Variants in SLCO2B1 observed in about 807,000 individuals in gnomAD.
The protein encoded by SLCO2B1 is OATP-RP2.
In SLCO2B1, 41 loss-of-function variants were observed where a neutral mutation model predicts 67.3. The observed-to-expected ratio is 0.61, with a 90% CI of 0.47 to 0.79. SLCO2B1 has a LOEUF of 0.79. SLCO2B1 is among the 30% of genes least tolerant of loss of function. The probability of loss-of-function intolerance (pLI) is 0.00; values close to 1 mark genes in which losing one functional copy is unlikely to be tolerated. For missense variants in SLCO2B1, 837 were observed against 920.1 expected (o/e 0.91, Z 1.17); for synonymous variants, 379 against 381.4 (o/e 0.99, Z 0.07).
In SLCO2B1 at chr11:75,203,297, C is replaced by T; in HGVS notation, c.1829-10C>T. 3 of 1,612,502 alleles carry T rather than the reference C, an allele frequency of 1.9e-6. No individual in the cohort carries two copies. Among genetic ancestry groups the T allele is most frequent in the East Asian group, 2.2e-5 (1 of 44,870 alleles). On this transcript the variant is annotated splice_polypyrimidine_tract_variant and intron_variant, in intron 12 of 13. Coordinates refer to ENST00000289575, the MANE Select transcript of SLCO2B1 (RefSeq NM_007256.5). Reference sequence around the variant, plus strand: ...GGCCTTCATTGTCCCCTGAGCACCACCTCCCTCAGCCTGGATGCCCAGCCC... The same window carrying T: ...GGCCTTCATTGTCCCCTGAGCACCATCTCCCTCAGCCTGGATGCCCAGCCC...
intron 1 of SLCO2B1, among the ~76,000 whole-genome samples, chr11:75,154,407 G>A (rs1949723641): frequency 6.6e-6 from 1 of 152,130 alleles, no homozygotes; most frequent in Non-Finnish European, 1.5e-5. Flanking sequence ...GGCTGAGGCA[G>A]GAGAATTGCT....
rs1053239844 is a variant in SLCO2B1 at position 75,204,547 on chromosome 11, G to A, written c.2097G>A (p.Gly699=). The change falls in exon 14 of 14, where the codon GGG becomes GGA. Residue 699 remains glycine, a synonymous_variant. Transcript: ENST00000289575. ...TAGAGCAGCAATTGCTAGTGTCGGG[G>A]CCAGGGAAGAAGCCAGAGGATTCCC... The part of the protein sequence containing the change: ...PAVEQQLLVS[G]PGKKPEDSRV 1 of 1,612,310 alleles carries A rather than the reference G, an allele frequency of 6.2e-7. No individual in the cohort carries two copies.
At chr11:75,154,650 C>T (rs1565529984) in intron 1 of SLCO2B1, among the ~76,000 whole-genome samples, 1 of 152,236 alleles carries the variant, frequency 6.6e-6, no homozygotes, top group Admixed American at 6.5e-5. Context: ...CTCCTCTTCC[C>T]CTCTTTCTGG....
rs532512331 is a variant in SLCO2B1, at chr11:75,163,948, C to T, written c.148-15C>T. 113 of 1,589,928 alleles carry T rather than the reference C, an allele frequency of 7.1e-5. No individual in the cohort carries two copies. In the South Asian group the frequency reaches 1.0e-3, roughly 14 times the overall value. The stretch of plus-strand genomic sequence containing the variant: ...TGCACCGCCCACCTCTGCCTGCCTC[C>T]GGGTCCCCCCACAGCTGTTCGTTCT... On this transcript the variant is annotated splice_polypyrimidine_tract_variant and intron_variant, in intron 2 of 13. Transcript: ENST00000289575.
chr11:75,170,947 G>A (rs55637180), intron 6 of SLCO2B1, among the ~76,000 whole-genome samples: 5,758 of 152,248 alleles, frequency 0.038, 162 homozygotes, highest in Middle Eastern at 0.061. Flanking sequence ...CTGCCACCTC[G>A]AAACTCCCTT....
chr11:75,184,238 C>T lies in SLCO2B1; in HGVS notation c.973-3898C>T, dbSNP rs114512142. ...GATATTTACTAGATAACCACTATTT[C>T]GCCCCAGGCTCTTGCTAGGCACAAG... On this transcript the variant is annotated intron_variant, in intron 7 of 13. Transcript: ENST00000289575. Among the ~76,000 whole-genome samples the T allele has an allele frequency of 2.8e-3, 425 of 152,292 alleles. 1 individual carries two copies. Among genetic ancestry groups the T allele is most frequent in the African/African-American group, 9.9e-3 (413 of 41,558 alleles).
chr11:75,169,702 T>C lies in SLCO2B1; in HGVS notation c.719T>C (p.Leu240Pro). 6.2e-7 allele frequency: 1 copy of C among 1,614,150 alleles called. No homozygotes were observed. The highest frequency in any genetic ancestry group is 8.5e-7 in the Non-Finnish European group (1 of 1,179,992). Residue 240 changes from leucine to proline, a missense_variant, in exon 6 of 14, where the codon CTG (leucine) becomes CCG (proline). Coordinates refer to ENST00000289575, the MANE Select transcript of SLCO2B1 (RefSeq NM_007256.5). ...GCAGTGACCATGATGGGGCCAGGCC[T>C]GGCCTTTGGGCTGGGCAGCCTCATG... ...LFAVTMMGPG[L>P]AFGLGSLMLR...
intron 7 of SLCO2B1, among the ~76,000 whole-genome samples, chr11:75,182,746 A>G (rs1565543157): frequency 6.6e-6 from 1 of 152,200 alleles, no homozygotes; most frequent in African/African-American, 2.4e-5. Context: ...TGTTAAAAAA[A>G]AAAAAAGTGC....
chr11:75,200,401 T>TGGGGCA lies in SLCO2B1; in HGVS notation c.1763+23_1763+28dup, dbSNP rs1565552000. The TGGGGCA allele has an allele frequency of 1.3e-6, 2 of 1,577,162 alleles. No homozygotes were observed. The highest frequency in any genetic ancestry group is 2.3e-5 in the South Asian group (2 of 87,800). On this transcript the variant is annotated intron_variant, in intron 11 of 13. Transcript: ENST00000289575. ...GCTCATCCTAAGGTGAAGGTGGGGG[T>TGGGGCA]GGGGCAGGGGCAGGTGGATACCAGG...
chr11:75,161,398 C>T (rs1025813967), intron 1 of SLCO2B1, among the ~76,000 whole-genome samples: 2 of 152,166 alleles, frequency 1.3e-5, no homozygotes, highest in African/African-American at 4.8e-5. Flanking sequence ...TGTACTAAAA[C>T]CCACTGGATT....
chr11:75,166,855 GC>G (rs1350575272), intron 4 of SLCO2B1, among the ~76,000 whole-genome samples: 1 of 152,222 alleles, frequency 6.6e-6, no homozygotes, highest in Non-Finnish European at 1.5e-5. Flanking sequence ...CATGGAGGAA[GC>G]CTTTCTAGGG....
intron 9 of SLCO2B1, among the ~76,000 whole-genome samples, chr11:75,195,186 C>G (rs1038345603): frequency 5.9e-5 from 9 of 152,200 alleles, no homozygotes; most frequent in African/African-American, 1.9e-4. Context: ...CCCACAGAAG[C>G]AATCAGCTCC....
chr11:75,185,502 T>TC (rs11454783), intron 7 of SLCO2B1, among the ~76,000 whole-genome samples: 62 of 2,306 alleles, frequency 0.027, no homozygotes, highest in South Asian at 0.043. Flanking sequence ...TATAAGTCTC[T>TC]TTTTTTTTTT....
intron 7 of SLCO2B1, among the ~76,000 whole-genome samples, chr11:75,177,175 TACACACACACAC>T (rs111442424): frequency 5.3e-5 from 8 of 149,576 alleles, no homozygotes; most frequent in Admixed American, 5.3e-4. Context: ...TCCACCCCTC[TACACACACACAC>T]ACACACACAC....
chr11:75,165,696 C>T (rs1591813049), intron 3 of SLCO2B1, 91 bp from the exon 4 acceptor site: 1 of 1,330,012 alleles, frequency 7.5e-7, no homozygotes, highest in South Asian at 1.3e-5. Flanking sequence ...TTCAGATGGG[C>T]ATACGGAAGT....
In SLCO2B1 at chr11:75,188,144, C is replaced by T. The variant is rs1344048299; in HGVS notation, c.981C>T (p.Asp327=). ...VTDSPARKGK[D]SPSKQSPGES... ...TTTTGTGTCTCCTTCAGGGCAAGGACTCTCCCTCTAAGCAGAGCCCTGGGG... is the reference window on the plus strand; with the variant it reads ...TTTTGTGTCTCCTTCAGGGCAAGGATTCTCCCTCTAAGCAGAGCCCTGGGG... Residue 327 remains aspartate (D), a synonymous_variant, in exon 8 of 14, where the codon GAC becomes GAT. Transcript: ENST00000289575. 6.2e-7 allele frequency: 1 copy of T among 1,612,908 alleles called. No individual in the cohort carries two copies. The highest frequency in any genetic ancestry group is 2.2e-5 in the East Asian group (1 of 44,898).
intron 7 of SLCO2B1, among the ~76,000 whole-genome samples, chr11:75,183,814 T>C (rs567289999): frequency 6.6e-5 from 10 of 152,314 alleles, no homozygotes; most frequent in Admixed American, 2.0e-4. Context: ...GAGAGCTCAG[T>C]CAAGGCATGA....
chr11:75,194,936 CA>C (rs1010216720), intron 9 of SLCO2B1, among the ~76,000 whole-genome samples: 1 of 152,142 alleles, frequency 6.6e-6, no homozygotes, highest in Non-Finnish European at 1.5e-5. Context: ...CATTTGGGAC[CA>C]ACTGAGCTAG....
At chr11:75,154,525 T>A (rs1361883075) in intron 1 of SLCO2B1, among the ~76,000 whole-genome samples, 11 of 151,846 alleles carry the variant, frequency 7.2e-5, no homozygotes, top group Non-Finnish European at 1.6e-4. Context: ...CAACAACAAA[T>A]GAGGAAATAA....
Sources: allele counts gnomAD v4.1 joint callset (sites outside exome capture counted in the v4.1 genomes callset), GRCh38; gene constraint gnomAD v4.1.1; transcripts MANE v1.5; gene names NCBI Gene and HGNC (gene_info 2026-07-23, HGNC 2026-07-21).